Variants in SLC16A2 observed in about 807,000 individuals in gnomAD.
SLC16A2 encodes monocarboxylate transporter 8.
Under a neutral mutation model 27.2 loss-of-function variants are expected in SLC16A2, and 3 were observed. The ratio of observed to expected loss-of-function variants is 0.11; its 90% CI spans 0.05 to 0.28. SLC16A2 has a LOEUF of 0.28. SLC16A2 is among the 10% of genes least tolerant of loss of function. SLC16A2 has a pLI of 1.00. For missense variants in SLC16A2, 295 were observed against 458.5 expected (o/e 0.64, Z 3.26); for synonymous variants, 202 against 187.8 (o/e 1.08, Z -0.62).
chrX:74,466,400 C>T (rs1482513002), intron 1 of SLC16A2, among the ~76,000 whole-genome samples: 2 of 111,121 alleles, frequency 1.8e-5, no homozygotes, highest in Non-Finnish European at 3.8e-5. Context: ...CCCTTGCAGA[C>T]ACCAAAATCC....
At chrX:74,442,565 T>C (rs1009262072) in intron 1 of SLC16A2, among the ~76,000 whole-genome samples, 3 of 112,198 alleles carry the variant, frequency 2.7e-5, no homozygotes, top group African/African-American at 9.7e-5. Context: ...TTATTGAGCA[T>C]TTACTATGTA....
At chrX:74,500,842 A>T (rs1422394824) in intron 1 of SLC16A2, among the ~76,000 whole-genome samples, 1 of 110,905 alleles carries the variant, frequency 9.0e-6, no homozygotes, top group Non-Finnish European at 1.9e-5. Context: ...AGGTTCTTTT[A>T]ATAATAGGTA....
chrX:74,473,123 G>A (rs1602120546), intron 1 of SLC16A2: 4 of 571,615 alleles, frequency 7.0e-6, no homozygotes, highest in Non-Finnish European at 1.2e-5. Flanking sequence ...AGGGGCCAGA[G>A]CTTCTGACTC....
intron 1 of SLC16A2, among the ~76,000 whole-genome samples, chrX:74,442,952 G>A (rs1360847883): frequency 9.0e-6 from 1 of 111,549 alleles, no homozygotes; most frequent in African/African-American, 3.3e-5. Flanking sequence ...GGGAGACTTC[G>A]TCCAAAAAAA....
At chrX:74,486,870 C>A (rs768301353) in intron 1 of SLC16A2, among the ~76,000 whole-genome samples, 1 of 111,462 alleles carries the variant, frequency 9.0e-6, no homozygotes, top group Non-Finnish European at 1.9e-5. Context: ...ATTAAGAAAA[C>A]GTGGCACATA....
intron 1 of SLC16A2, among the ~76,000 whole-genome samples, chrX:74,506,531 G>T (rs1440614341): frequency 1.8e-5 from 2 of 111,566 alleles, no homozygotes; most frequent in African/African-American, 6.5e-5. Flanking sequence ...TACTAGAAAA[G>T]CACCCCTGGA....
At chrX:74,459,245 T>TATATATA (rs1569288361) in intron 1 of SLC16A2, among the ~76,000 whole-genome samples, 1 of 99,060 alleles carries the variant, frequency 1.0e-5, no homozygotes, top group Non-Finnish European at 2.0e-5. Flanking sequence ...TATATATATA[T>TATATATA]CTCACAAGTG....
At chrX:74,480,900 C>G (rs962807926) in intron 1 of SLC16A2, among the ~76,000 whole-genome samples, 6 of 111,889 alleles carry the variant, frequency 5.4e-5, no homozygotes, top group African/African-American at 1.9e-4. Flanking sequence ...AAAAAATTCC[C>G]TTTTATTCCT....
At chrX:74,520,934 A>G in intron 1 of SLC16A2, 56 bp from the exon 2 acceptor site, 1 of 1,185,386 alleles carries the variant, frequency 8.4e-7, no homozygotes, top group Admixed American at 2.2e-5. Flanking sequence ...AGATACCAGC[A>G]GTACCACCAG....
chrX:74,494,388 C>A (rs756833273), intron 1 of SLC16A2, among the ~76,000 whole-genome samples: 1 of 111,189 alleles, frequency 9.0e-6, no homozygotes, highest in African/African-American at 3.3e-5. Flanking sequence ...GTCATTGGAT[C>A]CGTAAGTATT....
chrX:74,493,614 T>C (rs1219601086), intron 1 of SLC16A2, among the ~76,000 whole-genome samples: 2 of 112,335 alleles, frequency 1.8e-5, no homozygotes, highest in East Asian at 5.6e-4. Context: ...TGATCGCCAA[T>C]GCAGATTTTT....
chrX:74,440,742 C>G (rs370669568), intron 1 of SLC16A2, among the ~76,000 whole-genome samples: 4 of 108,455 alleles, frequency 3.7e-5, no homozygotes, highest in African/African-American at 1.4e-4. Context: ...TAACTATGGG[C>G]ATGCATGTAG....
intron 1 of SLC16A2, among the ~76,000 whole-genome samples, chrX:74,456,888 G>T (rs111521978): frequency 2.3e-3 from 261 of 112,086 alleles, no homozygotes; most frequent in Non-Finnish European, 4.2e-3. Flanking sequence ...TACTGATAGA[G>T]ACATGAGGGT....
chrX:74,453,658 TTGATTAGCA>T (rs1275273248), intron 1 of SLC16A2, among the ~76,000 whole-genome samples: 1 of 111,239 alleles, frequency 9.0e-6, no homozygotes, highest in Non-Finnish European at 1.9e-5. Flanking sequence ...AATCCCATTA[TTGATTAGCA>T]TGGGAGTTTT....
In SLC16A2 at chrX:74,524,719, C is replaced by T. The variant is rs140445669; in HGVS notation, c.936C>T (p.Asn312=). ...RFLAQLRKYF[N]MRVFRQRTYR... Reference sequence around the variant, plus strand: ...TGGCTCAGCTCAGGAAGTACTTCAACATGCGAGTGTTCCGCCAACGCACTT... The same window carrying T: ...TGGCTCAGCTCAGGAAGTACTTCAATATGCGAGTGTTCCGCCAACGCACTT... Residue 312 remains asparagine (N), a synonymous_variant, in exon 3 of 6, where the codon AAC becomes AAT. Coordinates refer to ENST00000587091, the MANE Select transcript of SLC16A2 (RefSeq NM_006517.5). The T allele has an allele frequency of 2.5e-6, 3 of 1,210,099 alleles. No individual in the cohort carries two copies. The highest frequency in any genetic ancestry group is 3.5e-5 in the African/African-American group (2 of 57,142).
chrX:74,485,053 C>T (rs1291137459), intron 1 of SLC16A2, among the ~76,000 whole-genome samples: 2 of 110,625 alleles, frequency 1.8e-5, no homozygotes, highest in East Asian at 5.7e-4. Context: ...CTCGTCTCTA[C>T]TAAAAATACA....
chrX:74,522,919 G>A (rs996368728), intron 2 of SLC16A2, among the ~76,000 whole-genome samples: 4 of 111,868 alleles, frequency 3.6e-5, no homozygotes, highest in Admixed American at 9.4e-5. Flanking sequence ...GAGTTCCTCC[G>A]AATGACATGG....
At chrX:74,478,341 G>A (rs1602123370) in intron 1 of SLC16A2, among the ~76,000 whole-genome samples, 1 of 111,061 alleles carries the variant, frequency 9.0e-6, no homozygotes, top group East Asian at 2.8e-4. Context: ...CATTTGCTTG[G>A]TAGATCTTCC....
chrX:74,491,721 A>G (rs1269046180), intron 1 of SLC16A2, among the ~76,000 whole-genome samples: 1 of 112,671 alleles, frequency 8.9e-6, no homozygotes, highest in Non-Finnish European at 1.9e-5. Flanking sequence ...CTTAAATACC[A>G]GAGACTCTTG....
Sources: gnomAD v4.1 joint callset for allele counts (sites outside exome capture counted in the v4.1 genomes callset) on GRCh38, gnomAD v4.1.1 for gene constraint, MANE v1.5 for transcripts, NCBI Gene and HGNC (gene_info 2026-07-23, HGNC 2026-07-21) for gene names.